Variants in CDK8 observed in about 807,000 individuals in gnomAD.
The protein encoded by CDK8 is cyclin-dependent kinase 8.
In CDK8, 29 loss-of-function variants were observed where a neutral mutation model predicts 71.5. The ratio of observed to expected loss-of-function variants is 0.41; its 90% CI spans 0.30 to 0.55. The LOEUF is 0.55. CDK8 is among the 20% of genes least tolerant of loss of function. CDK8 has a pLI of 0.37. For synonymous variants in CDK8, 161 were observed against 192.1 expected, an observed-to-expected ratio of 0.84 and a Z score of 1.34; for missense variants, 288 against 572.6, an observed-to-expected ratio of 0.50 and a Z score of 5.07.
At chr13:26,377,663 AC>A (rs1875020419) in intron 4 of CDK8, among the ~76,000 whole-genome samples, 1 of 152,054 alleles carries the variant, frequency 6.6e-6, no homozygotes, top group Admixed American at 6.5e-5. Context: ...AAAAATTCAT[AC>A]CCCTGAAAAA....
chr13:26,352,177 T>C (rs1873707197), intron 3 of CDK8, among the ~76,000 whole-genome samples: 1 of 152,074 alleles, frequency 6.6e-6, no homozygotes, highest in South Asian at 2.1e-4. Flanking sequence ...CCTGTTTTTA[T>C]TAAGCTTGGA....
intron 1 of CDK8, among the ~76,000 whole-genome samples, chr13:26,322,384 C>T (rs1874816372): frequency 6.6e-6 from 1 of 152,132 alleles, no homozygotes; most frequent in African/African-American, 2.4e-5. Context: ...CATTCATTCA[C>T]CTCCATCCAC....
At chr13:26,343,858 T>G (rs912389439) in intron 2 of CDK8, among the ~76,000 whole-genome samples, 2 of 152,216 alleles carry the variant, frequency 1.3e-5, no homozygotes, top group African/African-American at 4.8e-5. Flanking sequence ...ATTTGTATTC[T>G]TATTCTATAA....
chr13:26,317,129 A>C (rs907399494), intron 1 of CDK8, among the ~76,000 whole-genome samples: 1 of 152,190 alleles, frequency 6.6e-6, no homozygotes, highest in Non-Finnish European at 1.5e-5. Context: ...AAGAGGACCA[A>C]CGTACGCATT....
At position 26,400,425 on chromosome 13, in the gene CDK8, G is replaced by A. The variant is rs998692; in HGVS notation, c.934-28G>A. On this transcript the variant is annotated intron_variant, in intron 9 of 12. Coordinates refer to ENST00000381527, the MANE Select transcript of CDK8 (RefSeq NM_001260.3). The stretch of plus-strand genomic sequence containing the variant: ...AAAGATAACTGTGAGAAGCAATACC[G>A]TCATGTTTGTATGATTTGTGATTTC... 0.88 allele frequency: 1,178,369 copies of A among 1,341,892 alleles called. 524,932 individuals carry two copies. The highest frequency in any genetic ancestry group is 0.94 in the East Asian group (40,764 of 43,528). 83.1% of individuals were successfully genotyped at this position (1,341,892 alleles called of 1,614,324 possible). A position where few individuals can be genotyped will look rare whatever the true frequency, so the allele number is the denominator to read the frequency against.
At chr13:26,273,292 A>G (rs1360603338) in intron 1 of CDK8, among the ~76,000 whole-genome samples, 2 of 152,152 alleles carry the variant, frequency 1.3e-5, no homozygotes, top group African/African-American at 4.8e-5. Flanking sequence ...GTAGCTTTGT[A>G]GTTAGTTTTG....
chr13:26,290,393 G>A (rs1298775739), intron 1 of CDK8, among the ~76,000 whole-genome samples: 1 of 152,160 alleles, frequency 6.6e-6, no homozygotes, highest in East Asian at 1.9e-4. Flanking sequence ...AAAGAGTGGG[G>A]ATTGGAAAAC....
intron 2 of CDK8, among the ~76,000 whole-genome samples, chr13:26,343,189 A>G (rs1439145859): frequency 6.6e-6 from 1 of 152,222 alleles, no homozygotes; most frequent in Non-Finnish European, 1.5e-5. Context: ...TTGTTCTGCC[A>G]TCGCAGAGTG....
In CDK8 at chr13:26,404,819, A is replaced by G. The variant is rs927665459; in HGVS notation, c.*738A>G. The G allele has an allele frequency of 3.2e-5, 7 of 217,120 alleles. No individual in the cohort carries two copies. The highest frequency in any genetic ancestry group is 1.6e-4 in the African/African-American group (7 of 44,524). The allele number at this position is 217,120 out of a possible 1,614,324, so 13.4% of individuals were successfully genotyped here. On this transcript the variant is annotated 3_prime_UTR_variant, in exon 13 of 13. Transcript: ENST00000381527. ...TCATTGATATAAACCTGTTTGGTTCAGCAAACAAACTAAAATGATTGTCAT... is the reference window on the plus strand; with the variant it reads ...TCATTGATATAAACCTGTTTGGTTCGGCAAACAAACTAAAATGATTGTCAT...
chr13:26,304,394 GCTTT>G (rs1372694373), intron 1 of CDK8, among the ~76,000 whole-genome samples: 7 of 151,780 alleles, frequency 4.6e-5, no homozygotes, highest in Non-Finnish European at 1.0e-4. Flanking sequence ...AATCTTTCAT[GCTTT>G]CTATTTATCT....
intron 9 of CDK8, among the ~76,000 whole-genome samples, chr13:26,398,037 A>C (rs947261610): frequency 1.3e-5 from 2 of 152,124 alleles, no homozygotes; most frequent in Non-Finnish European, 2.9e-5. Context: ...CAACCAGGCC[A>C]TTTGGCAAAC....
At chr13:26,274,118 G>C (rs1033612235) in intron 1 of CDK8, among the ~76,000 whole-genome samples, 4 of 152,026 alleles carry the variant, frequency 2.6e-5, no homozygotes, top group Non-Finnish European at 5.9e-5. Context: ...TTATCCTTAG[G>C]AAAGATTTTT....
At chr13:26,267,980 A>G (rs1566464047) in intron 1 of CDK8, among the ~76,000 whole-genome samples, 2 of 152,154 alleles carry the variant, frequency 1.3e-5, no homozygotes, top group South Asian at 2.1e-4. Context: ...CTCAAGTACA[A>G]GTAACTGGTA....
At chr13:26,302,504 A>T (rs1467507345) in intron 1 of CDK8, among the ~76,000 whole-genome samples, 1 of 152,164 alleles carries the variant, frequency 6.6e-6, no homozygotes, top group Non-Finnish European at 1.5e-5. Flanking sequence ...GACCCAGAGG[A>T]CTAAGTTTCT....
At chr13:26,292,430 A>G (rs1358490544) in intron 1 of CDK8, among the ~76,000 whole-genome samples, 1 of 152,202 alleles carries the variant, frequency 6.6e-6, no homozygotes, top group Non-Finnish European at 1.5e-5. Context: ...TTGTGCTGTA[A>G]GATGGCTTAC....
At chr13:26,399,421 TACTC>T (rs1876152615) in intron 9 of CDK8, among the ~76,000 whole-genome samples, 1 of 152,206 alleles carries the variant, frequency 6.6e-6, no homozygotes. Flanking sequence ...TTTTGGCTCC[TACTC>T]ACATCTACCA....
At chr13:26,294,843 G>C (rs944088661) in intron 1 of CDK8, among the ~76,000 whole-genome samples, 1 of 151,958 alleles carries the variant, frequency 6.6e-6, no homozygotes, top group Non-Finnish European at 1.5e-5. Flanking sequence ...TCCGCCTCCT[G>C]GGTTCAAGCG....
chr13:26,347,916 C>G (rs373519432), intron 2 of CDK8, among the ~76,000 whole-genome samples: 6 of 152,040 alleles, frequency 3.9e-5, no homozygotes, highest in African/African-American at 1.4e-4. Context: ...ATCATTTGAT[C>G]CAGGATTTCC....
intron 1 of CDK8, among the ~76,000 whole-genome samples, chr13:26,289,042 GCTT>G (rs1425563571): frequency 2.2e-5 from 3 of 137,982 alleles, no homozygotes; most frequent in Non-Finnish European, 4.6e-5. Flanking sequence ...TCCAGACTAA[GCTT>G]CTGTAGTTTT....
Sources: gnomAD v4.1 joint callset for allele counts (sites outside exome capture counted in the v4.1 genomes callset) on GRCh38, gnomAD v4.1.1 for gene constraint, MANE v1.5 for transcripts, NCBI Gene and HGNC (gene_info 2026-07-23, HGNC 2026-07-21) for gene names.